Variants in BORCS5 observed in about 807,000 individuals in gnomAD.
The protein encoded by BORCS5 is BLOC-1 related complex subunit 5, also known as BLOC-1-related complex subunit 5.
A neutral mutation model predicts 22.1 loss-of-function variants in BORCS5; 17 were observed. The observed-to-expected ratio is 0.77, with a 90% confidence interval of 0.53 to 1.15. The LOEUF (loss-of-function observed/expected upper bound fraction) is 1.15. Ranked by LOEUF, BORCS5 falls within the 50% of genes most tolerant of loss-of-function variation. BORCS5 has a pLI of 0.00. For missense variants in BORCS5, 247 were observed against 253.2 expected (o/e 0.98, Z 0.17); for synonymous variants, 117 against 99.8 (o/e 1.17, Z -1.03).
At chr12:12,393,886 TAGAAC>T (rs1266667497) in intron 2 of BORCS5, among the ~76,000 whole-genome samples, 1 of 152,012 alleles carries the variant, frequency 6.6e-6, no homozygotes, top group Admixed American at 6.6e-5. Context: ...ATATACCAAT[TAGAAC>T]AGAAGTTTTG....
intron 2 of BORCS5, among the ~76,000 whole-genome samples, chr12:12,430,417 C>T (rs1303858718): frequency 6.6e-6 from 1 of 152,092 alleles, no homozygotes; most frequent in Non-Finnish European, 1.5e-5. Flanking sequence ...TCCCAAAGTG[C>T]TGGGATTACA....
chr12:12,382,901 G>T (rs1484728892), intron 2 of BORCS5, among the ~76,000 whole-genome samples: 1 of 151,150 alleles, frequency 6.6e-6, no homozygotes, highest in African/African-American at 2.4e-5. Context: ...TGTGTCTTTT[G>T]TAAATAGCAT....
intron 1 of BORCS5, among the ~76,000 whole-genome samples, chr12:12,358,518 T>C (rs577584499): frequency 6.6e-6 from 1 of 152,342 alleles, no homozygotes; most frequent in East Asian, 1.9e-4. Flanking sequence ...ATAAGAAATA[T>C]AATAATTGCC....
intron 3 of BORCS5, among the ~76,000 whole-genome samples, chr12:12,446,259 TA>T (rs77566754): frequency 3.7e-4 from 52 of 139,038 alleles, no homozygotes; most frequent in Admixed American, 4.3e-4. Context: ...AATACAAGAA[TA>T]AAAAAAAAAA....
At chr12:12,368,303 G>T (rs1863448230) in intron 2 of BORCS5, among the ~76,000 whole-genome samples, 2 of 149,268 alleles carry the variant, frequency 1.3e-5, no homozygotes, top group Admixed American at 6.6e-5. Flanking sequence ...TTAATCTACT[G>T]GTTAGTCTCT....
rs1411793669 is a variant in BORCS5 at position 12,382,539 on chromosome 12, T to A, written c.202+21190T>A. Among the ~76,000 whole-genome samples, 26 of 149,740 alleles carry A rather than the reference T, an allele frequency of 1.7e-4. 1 individual carries two copies. The highest frequency in any genetic ancestry group is 6.1e-4 in the African/African-American group (25 of 40,742). ...GGTTCTATGATGGTATATATCTTTT[T>A]TTTTTTTTTTTTTGAGACAAAGTCT... On this transcript the variant is annotated intron_variant, in intron 2 of 3. Coordinates refer to ENST00000314565, the MANE Select transcript of BORCS5 (RefSeq NM_058169.6).
chr12:12,445,320 T>TGC (rs1291567798), intron 3 of BORCS5, among the ~76,000 whole-genome samples: 2 of 151,780 alleles, frequency 1.3e-5, no homozygotes, highest in Non-Finnish European at 2.9e-5. Flanking sequence ...GGATTACAGG[T>TGC]GCGAGTCATC....
At position 12,435,062 on chromosome 12, in the gene BORCS5, A is replaced by T. The variant is rs1431608894; in HGVS notation, c.203-566A>T. ...GTTACCTGGCTAAGCTGGTGTTGAA[A>T]GAAAATGTAAAGAATGAGTTTCTGG... is the stretch of plus-strand genomic sequence containing the variant. On this transcript the variant is annotated intron_variant, in intron 2 of 3. Transcript: ENST00000314565. Among the ~76,000 whole-genome samples, 4 of 152,238 alleles carry T rather than the reference A, an allele frequency of 2.6e-5. No homozygotes were observed. In the South Asian group the frequency reaches 8.3e-4, roughly 31 times the overall value.
intron 2 of BORCS5, among the ~76,000 whole-genome samples, chr12:12,372,081 C>T (rs958787942): frequency 2.6e-5 from 4 of 152,122 alleles, no homozygotes; most frequent in African/African-American, 4.8e-5. Context: ...CCCTTGTCGC[C>T]CAGGCTGGAG....
intron 2 of BORCS5, among the ~76,000 whole-genome samples, chr12:12,434,281 CAAAAAAAAAAA>C (rs139357200): frequency 1.3e-5 from 1 of 76,588 alleles, no homozygotes; most frequent in South Asian, 5.3e-4. Flanking sequence ...GACTCTGTCT[CAAAAAAAAAAA>C]AAAAAAAAAA....
intron 2 of BORCS5, among the ~76,000 whole-genome samples, chr12:12,366,955 G>A (rs1863419284): frequency 6.6e-6 from 1 of 152,158 alleles, no homozygotes; most frequent in African/African-American, 2.4e-5. Context: ...TTAATAACAA[G>A]GATGATCAAA....
intron 2 of BORCS5, among the ~76,000 whole-genome samples, chr12:12,407,390 A>G (rs1205365412): frequency 1.4e-5 from 2 of 147,254 alleles, no homozygotes; most frequent in East Asian, 2.0e-4. Flanking sequence ...TGTTGGTCAC[A>G]TTTTTTTTTT....
chr12:12,381,023 T>C (rs1359399624), intron 2 of BORCS5, among the ~76,000 whole-genome samples: 5 of 148,680 alleles, frequency 3.4e-5, no homozygotes. Flanking sequence ...TTTTTTTTTT[T>C]TTTTTTGAGA....
chr12:12,445,574 A>C (rs1201752293), intron 3 of BORCS5, among the ~76,000 whole-genome samples: 2 of 114,852 alleles, frequency 1.7e-5, no homozygotes, highest in Non-Finnish European at 3.2e-5. Flanking sequence ...GGTAGGCTCC[A>C]TCTTCAGAGA....
chr12:12,433,189 G>A (rs751022678), intron 2 of BORCS5, among the ~76,000 whole-genome samples: 1 of 151,904 alleles, frequency 6.6e-6, no homozygotes, highest in Non-Finnish European at 1.5e-5. Context: ...GCAAAAATTA[G>A]GCAGGAATGG....
chr12:12,371,483 G>A (rs1224282460), intron 2 of BORCS5, among the ~76,000 whole-genome samples: 2 of 152,062 alleles, frequency 1.3e-5, no homozygotes, highest in Admixed American at 6.6e-5. Flanking sequence ...TTGTAGAGAT[G>A]GGGTTTCCCA....
At chr12:12,372,251 G>A (rs1247913654) in intron 2 of BORCS5, among the ~76,000 whole-genome samples, 1 of 152,182 alleles carries the variant, frequency 6.6e-6, no homozygotes, top group Non-Finnish European at 1.5e-5. Flanking sequence ...TGTTGGCCAG[G>A]CTGGTCTTGA....
rs80218068 is a variant in BORCS5, at chr12:12,365,621, A to G, written c.202+4272A>G. ...TATAGCAAACAAAAAGCCAGTGAGC[A>G]TTGAAGGTGATGCTCATGTTTCACT... is the stretch of plus-strand genomic sequence containing the variant. On this transcript the variant is annotated intron_variant, in intron 2 of 3. Transcript: ENST00000314565. Among the ~76,000 whole-genome samples, 878 of 151,030 alleles carry G rather than the reference A, an allele frequency of 5.8e-3. 15 individuals are homozygous for G. Among genetic ancestry groups the G allele is most frequent in the African/African-American group, 0.02 (809 of 41,308 alleles).
chr12:12,456,990 A>G (rs1320492756), intron 3 of BORCS5, among the ~76,000 whole-genome samples: 1 of 152,050 alleles, frequency 6.6e-6, no homozygotes, highest in African/African-American at 2.4e-5. Context: ...TTTGGATATC[A>G]CAAAATGTCA....
Sources: gnomAD v4.1 joint callset for allele counts (sites outside exome capture counted in the v4.1 genomes callset) on GRCh38, gnomAD v4.1.1 for gene constraint, MANE v1.5 for transcripts, NCBI Gene and HGNC (gene_info 2026-07-23, HGNC 2026-07-21) for gene names.